Variants in CFAP221 observed in about 807,000 individuals in gnomAD.
The protein encoded by CFAP221 is cilia- and flagella-associated protein 221.
A neutral mutation model predicts 113.1 loss-of-function variants in CFAP221; 97 were observed. The ratio of observed to expected loss-of-function variants is 0.86; its 90% CI spans 0.73 to 1.02. The LOEUF is 1.02. Ranked by LOEUF, CFAP221 falls within the 50% of genes least tolerant of loss-of-function variation. CFAP221 has a pLI of 0.00. For missense variants in CFAP221, 1,025 were observed against 1,013.4 expected (o/e 1.01, Z -0.16); for synonymous variants, 331 against 354.4 (o/e 0.93, Z 0.74).
chr2:119,570,621 A>G (rs966148678), intron 6 of CFAP221, among the ~76,000 whole-genome samples: 1 of 152,184 alleles, frequency 6.6e-6, no homozygotes, highest in Non-Finnish European at 1.5e-5. Context: ...GAACCATACA[A>G]CATGAGGTCT....
chr2:119,601,545 A>G (rs985831273), intron 8 of CFAP221, 168 bp downstream of exon 8: 10 of 603,588 alleles, frequency 1.7e-5, no homozygotes, highest in African/African-American at 3.7e-5. Flanking sequence ...TATAGAATAT[A>G]TCTATGCTAG....
At chr2:119,643,765 G>A (rs1289336957) in intron 21 of CFAP221, among the ~76,000 whole-genome samples, 1 of 151,828 alleles carries the variant, frequency 6.6e-6, no homozygotes, top group African/African-American at 2.4e-5. Context: ...GGTTGGTCTC[G>A]AACTCCTGAC....
At chr2:119,550,746 T>A (rs1474911687) in intron 3 of CFAP221, among the ~76,000 whole-genome samples, 1 of 152,252 alleles carries the variant, frequency 6.6e-6, no homozygotes, top group Non-Finnish European at 1.5e-5. Flanking sequence ...TATTGAGTGA[T>A]CATTTATTAC....
chr2:119,567,805 A>G (rs1383957457), intron 6 of CFAP221, among the ~76,000 whole-genome samples: 1 of 152,226 alleles, frequency 6.6e-6, no homozygotes, highest in Non-Finnish European at 1.5e-5. Context: ...ATTAATATCT[A>G]GCATATTTGT....
In CFAP221 at chr2:119,643,483, A is replaced by G. The variant is rs570765415; in HGVS notation, c.2226-3475A>G. Among the ~76,000 whole-genome samples the G allele has an allele frequency of 4.6e-5, 7 of 152,366 alleles. No individual in the cohort carries two copies. The East Asian group carries it at 1.3e-3, about 29-fold the overall frequency. ...GATTTCATAGATGAGTGAAATGTCCAGAAGAACTTTGGGAACTGTCTTGGC... is the reference window on the plus strand; with the variant it reads ...GATTTCATAGATGAGTGAAATGTCCGGAAGAACTTTGGGAACTGTCTTGGC... On this transcript the variant is annotated intron_variant, in intron 21 of 23. Coordinates refer to ENST00000413369, the MANE Select transcript of CFAP221 (RefSeq NM_001271049.2).
intron 14 of CFAP221, among the ~76,000 whole-genome samples, chr2:119,621,952 A>T (rs1374661607): frequency 6.6e-6 from 1 of 152,204 alleles, no homozygotes; most frequent in African/African-American, 2.4e-5. Context: ...ACTAAAATCG[A>T]CACCCTAACA....
chr2:119,622,013 G>A (rs1685955813), intron 14 of CFAP221, among the ~76,000 whole-genome samples: 1 of 152,030 alleles, frequency 6.6e-6, no homozygotes, highest in Non-Finnish European at 1.5e-5. Context: ...AAATAACTAA[G>A]ATCAGAGCAG....
At chr2:119,622,624 A>T (rs1408895094) in intron 14 of CFAP221, among the ~76,000 whole-genome samples, 11 of 152,340 alleles carry the variant, frequency 7.2e-5, no homozygotes, top group Non-Finnish European at 1.3e-4. Flanking sequence ...CCTCAATAAA[A>T]TACTGGCAAA....
At chr2:119,581,701 G>A (rs1180541002) in intron 6 of CFAP221, among the ~76,000 whole-genome samples, 1 of 152,098 alleles carries the variant, frequency 6.6e-6, no homozygotes, top group Non-Finnish European at 1.5e-5. Flanking sequence ...ATGAAGATTT[G>A]GTAAGTGCAT....
chr2:119,609,864 G>T (rs1442961916), intron 12 of CFAP221, among the ~76,000 whole-genome samples: 1 of 152,110 alleles, frequency 6.6e-6, no homozygotes, highest in Non-Finnish European at 1.5e-5. Context: ...TTTCTTTCCA[G>T]ATTTGGAGTC....
At position 119,599,308 on chromosome 2, in the gene CFAP221, C is replaced by T. The variant is rs936758458; in HGVS notation, c.632-1910C>T. On this transcript the variant is annotated intron_variant, in intron 7 of 23. Coordinates refer to ENST00000413369, the MANE Select transcript of CFAP221 (RefSeq NM_001271049.2). Reference sequence around the variant, plus strand: ...TTTGAAAGGTAACACATCAAGGGAACGCGAGTTCAGTAGGGCTGACTGAAG... The same window carrying T: ...TTTGAAAGGTAACACATCAAGGGAATGCGAGTTCAGTAGGGCTGACTGAAG... 3.9e-5 allele frequency among the ~76,000 whole-genome samples: 6 copies of T among 152,174 alleles called. 1 individual carries two copies. Among genetic ancestry groups the T allele is most frequent in the East Asian group, 1.9e-4 (1 of 5,186 alleles).
chr2:119,614,203 G>A (rs1685369850), intron 13 of CFAP221, among the ~76,000 whole-genome samples: 2 of 152,154 alleles, frequency 1.3e-5, no homozygotes, highest in Admixed American at 6.5e-5. Context: ...AGCATTTTGG[G>A]CAAAGCCATT....
intron 14 of CFAP221, among the ~76,000 whole-genome samples, chr2:119,618,290 G>T (rs1266277322): frequency 2.0e-5 from 3 of 152,194 alleles, no homozygotes; most frequent in South Asian, 2.1e-4. Context: ...AGCCATTTGG[G>T]CTGGCAATAT....
chr2:119,559,993 A>T lies in CFAP221; in HGVS notation c.393A>T (p.Arg131=). 1 of 1,529,914 alleles carries T rather than the reference A, an allele frequency of 6.5e-7. No homozygotes were observed. The highest frequency in any genetic ancestry group is 8.7e-7 in the Non-Finnish European group (1 of 1,144,562). The allele number at this position is 1,529,914 out of a possible 1,614,324, so 94.8% of individuals were successfully genotyped here. Residue 131 remains arginine, a synonymous_variant, in exon 5 of 24, where the codon CGA becomes CGT. Transcript: ENST00000413369. ...VTVTFSPDEW[R]YYYDCIRVHC... is the part of the protein sequence containing the mutation. Reference sequence around the variant, plus strand: ...TTACATTTTCTCCAGATGAGTGGCGATACTATTATGACTGCATCCGTGTTC... The same window carrying T: ...TTACATTTTCTCCAGATGAGTGGCGTTACTATTATGACTGCATCCGTGTTC...
chr2:119,604,127 T>C (rs909092172), intron 8 of CFAP221, among the ~76,000 whole-genome samples: 3 of 152,224 alleles, frequency 2.0e-5, no homozygotes, highest in Admixed American at 6.5e-5. Flanking sequence ...GAGAGCATTT[T>C]TCAGCATGTC....
chr2:119,557,991 G>A (rs1294143558), intron 3 of CFAP221, among the ~76,000 whole-genome samples: 2 of 149,470 alleles, frequency 1.3e-5, no homozygotes, highest in African/African-American at 4.9e-5. Flanking sequence ...CCCCTAGAGT[G>A]CAGATTGCTG....
intron 7 of CFAP221, among the ~76,000 whole-genome samples, chr2:119,593,950 G>A (rs1683774521): frequency 6.6e-6 from 1 of 152,068 alleles, no homozygotes; most frequent in South Asian, 2.1e-4. Context: ...CATTCATAAG[G>A]CATCCACCCA....
intron 3 of CFAP221, among the ~76,000 whole-genome samples, chr2:119,558,218 G>A (rs899491325): frequency 6.6e-6 from 1 of 152,118 alleles, no homozygotes; most frequent in Non-Finnish European, 1.5e-5. Context: ...CCAGGCCTGG[G>A]GCTGAGTGGC....
chr2:119,605,443 T>C (rs2104678069), intron 11 of CFAP221, among the ~76,000 whole-genome samples, 154 bp downstream of exon 11: 1 of 152,246 alleles, frequency 6.6e-6, no homozygotes, highest in Non-Finnish European at 1.5e-5. Context: ...CAGTAGGAAG[T>C]TTCTATTAGG....
Sources: allele counts gnomAD v4.1 joint callset (sites outside exome capture counted in the v4.1 genomes callset), GRCh38; gene constraint gnomAD v4.1.1; transcripts MANE v1.5; gene names NCBI Gene and HGNC (gene_info 2026-07-23, HGNC 2026-07-21).